Variants in MAPT observed in about 807,000 individuals in gnomAD.
MAPT encodes the protein microtubule associated protein tau.
In MAPT, 34 loss-of-function variants were observed where a neutral mutation model predicts 67.9. The observed-to-expected ratio is 0.50, with a 90% CI of 0.38 to 0.67. The LOEUF (loss-of-function observed/expected upper bound fraction) is 0.67. MAPT is among the 30% of genes least tolerant of loss of function. The pLI is 0.00. For synonymous variants in MAPT, 456 were observed against 464.5 expected (o/e 0.98, Z 0.23); for missense variants, 881 against 1,115.2 (o/e 0.79, Z 2.99).
chr17:45,999,345 G>A lies in MAPT; in HGVS notation c.1998+2681G>A, dbSNP rs73317018. The A allele has an allele frequency of 6.2e-3, 9,968 of 1,613,954 alleles. 563 individuals are homozygous for A. In the African/African-American group the frequency reaches 0.12, roughly 19 times the overall value. ...CCCCCACAAGACTGTGCAGGTGGCC[G>A]GCCCTCATTGAATGCGGGGTTAATT... On this transcript the variant is annotated intron_variant, in intron 9 of 12. Transcript: ENST00000262410.
At position 45,908,712 on chromosome 17, in the gene MAPT, T is replaced by A. The variant is rs114728005; in HGVS notation, c.-18+14026T>A. ...TTTGCAACCTCACAGGGTACTTTCA[T>A]GGCGTTGAAATACACTTCCCACAGC... On this transcript the variant is annotated intron_variant, in intron 1 of 12. Transcript: ENST00000262410. 8.0e-3 allele frequency among the ~76,000 whole-genome samples: 1,219 copies of A among 152,318 alleles called. 18 individuals carry two copies. Among genetic ancestry groups the A allele is most frequent in the African/African-American group, 0.028 (1,151 of 41,572 alleles).
intron 9 of MAPT, chr17:45,999,626 C>G: frequency 6.2e-7 from 1 of 1,611,372 alleles, no homozygotes; most frequent in Non-Finnish European, 8.5e-7. Context: ...CTGCCTCTGC[C>G]CATGAGGGGT....
intron 1 of MAPT, chr17:45,932,045 T>C (rs1450296527): frequency 6.6e-6 from 1 of 151,092 alleles, no homozygotes; most frequent in Non-Finnish European, 1.5e-5. Flanking sequence ...ATTGCACCAC[T>C]GCACTCCAGC....
At chr17:45,918,591 G>T (rs1312271080) in intron 1 of MAPT, among the ~76,000 whole-genome samples, 1 of 152,226 alleles carries the variant, frequency 6.6e-6, no homozygotes, top group Admixed American at 6.5e-5. Context: ...TGCCATTGTG[G>T]TGTGTGAAGC....
intron 2 of MAPT, among the ~76,000 whole-genome samples, chr17:45,968,477 C>T (rs924926099): frequency 3.3e-5 from 5 of 152,266 alleles, no homozygotes; most frequent in African/African-American, 9.6e-5. Context: ...GGCTCTGTTC[C>T]CAAGGAGGGT....
intron 1 of MAPT, among the ~76,000 whole-genome samples, chr17:45,923,832 AG>A (rs1368969733): frequency 1.3e-5 from 2 of 152,206 alleles, no homozygotes; most frequent in African/African-American, 4.8e-5. Context: ...CAGCTCTGCC[AG>A]GTCCTAACTG....
intron 3 of MAPT, chr17:45,973,926 A>G (rs1416782518): frequency 1.1e-5 from 2 of 181,192 alleles, no homozygotes; most frequent in Non-Finnish European, 2.4e-5. Flanking sequence ...TGACACTGCC[A>G]TTTTGCAGAT....
At position 45,983,422 on chromosome 17, in the gene MAPT, AG is replaced by A. The variant is rs773149360; in HGVS notation, c.848del (p.Gly283AlafsTer82). On this transcript the variant is annotated frameshift_variant, in exon 5 of 13. Transcript: ENST00000262410. LOFTEE classifies it high-confidence loss of function. ...HQEGPPLKGA[G>X]GKERPGSKEE... is the part of the protein sequence containing the mutation. ...AGGAGGGGCCGCCGCTGAAGGGGGCAGGGGGCAAAGAGAGGCCGGGGAGCAA... is the reference window on the plus strand; with the variant it reads ...AGGAGGGGCCGCCGCTGAAGGGGGCAGGGGCAAAGAGAGGCCGGGGAGCAA... 9 of 1,607,834 alleles carry A rather than the reference AG, an allele frequency of 5.6e-6. No homozygotes were observed. In the East Asian group the frequency reaches 1.6e-4, roughly 28 times the overall value.
rs866078217 is a variant in MAPT, at chr17:45,911,793, G to C, written c.-18+17107G>C. Among the ~76,000 whole-genome samples the C allele has an allele frequency of 4.6e-5, 7 of 151,962 alleles. No individual in the cohort carries two copies. In the East Asian group the frequency reaches 9.6e-4, roughly 21 times the overall value. Reference sequence around the variant, plus strand: ...AAACAAACAAACAACAAAAAAAAAGGCTTTCTTAAAGAGACTTGAGAACAG... The same window carrying C: ...AAACAAACAAACAACAAAAAAAAAGCCTTTCTTAAAGAGACTTGAGAACAG... On this transcript the variant is annotated intron_variant, in intron 1 of 12. Coordinates refer to ENST00000262410, the MANE Select transcript of MAPT (RefSeq NM_001377265.1).
chr17:46,016,829 A>C (rs1405172688), intron 11 of MAPT, among the ~76,000 whole-genome samples: 4 of 152,198 alleles, frequency 2.6e-5, no homozygotes, highest in African/African-American at 9.7e-5. Context: ...GCAGTGATGG[A>C]AATATTCTGT....
chr17:45,927,669 C>G (rs1280381811), intron 1 of MAPT, among the ~76,000 whole-genome samples: 1 of 152,100 alleles, frequency 6.6e-6, no homozygotes, highest in Non-Finnish European at 1.5e-5. Context: ...CAGTCAACCA[C>G]CCTAGCTCTC....
At chr17:45,918,180 C>T (rs1488126652) in intron 1 of MAPT, among the ~76,000 whole-genome samples, 1 of 152,228 alleles carries the variant, frequency 6.6e-6, no homozygotes, top group Non-Finnish European at 1.5e-5. Context: ...ACTGCTAGAG[C>T]GCTTGTCATT....
chr17:45,933,246 T>C (rs1454849098), intron 1 of MAPT, among the ~76,000 whole-genome samples: 3 of 19,616 alleles, frequency 1.5e-4, no homozygotes, highest in Admixed American at 5.5e-4. Context: ...TCTCTCTCCC[T>C]TTTTTTTTTT....
intron 1 of MAPT, among the ~76,000 whole-genome samples, chr17:45,941,680 C>A (rs192057255): frequency 3.2e-4 from 15 of 47,272 alleles, no homozygotes; most frequent in African/African-American, 1.2e-3. Flanking sequence ...CCCCCCTTCC[C>A]TCCTTCCTTC....
chr17:45,996,550 G>C lies in MAPT; in HGVS notation c.1884G>C (p.Pro628=). 6.2e-7 allele frequency: 1 copy of C among 1,610,850 alleles called. No homozygotes were observed. The highest frequency in any genetic ancestry group is 8.5e-7 in the Non-Finnish European group (1 of 1,178,464). ...VAVVRTPPKS[P]SSAKSRLQTA... The stretch of plus-strand genomic sequence containing the variant: ...TGGTCCGTACTCCACCCAAGTCGCC[G>C]TCTTCCGCCAAGAGCCGCCTGCAGA... Residue 628 remains proline (P), a synonymous_variant, in exon 9 of 13, where the codon CCG becomes CCC. Coordinates refer to ENST00000262410, the MANE Select transcript of MAPT (RefSeq NM_001377265.1). This position sits in a 1 kb window ranked among gnomAD's most constrained non-coding sequence, Gnocchi z 4.5.
chr17:45,944,546 C>T lies in MAPT; in HGVS notation c.-17-17775C>T, dbSNP rs191626695. 1.6e-3 allele frequency among the ~76,000 whole-genome samples: 238 copies of T among 152,310 alleles called. 1 individual carries two copies. The highest frequency in any genetic ancestry group is 2.1e-3 in the Non-Finnish European group (143 of 68,030). ...CTTCATGGGTGAGCTCCAGGTCCAACGAGAAGCCAAGCAGGGGGCCCTTCA... is the reference window on the plus strand; with the variant it reads ...CTTCATGGGTGAGCTCCAGGTCCAATGAGAAGCCAAGCAGGGGGCCCTTCA... On this transcript the variant is annotated intron_variant, in intron 1 of 12. Transcript: ENST00000262410.
chr17:46,022,816 G>A (rs761223695), intron 12 of MAPT, among the ~76,000 whole-genome samples: 87 of 152,232 alleles, frequency 5.7e-4, no homozygotes, highest in Non-Finnish European at 2.6e-4. Flanking sequence ...TGTAGTCCCA[G>A]TTGCTCTGGA....
chr17:45,988,049 G>A (rs765744366), intron 6 of MAPT, among the ~76,000 whole-genome samples: 8 of 152,184 alleles, frequency 5.3e-5, no homozygotes, highest in South Asian at 4.1e-4. Flanking sequence ...CCTGGGCCTC[G>A]GCCAGCTGGG....
At chr17:45,955,582 G>A (rs568745449) in intron 1 of MAPT, among the ~76,000 whole-genome samples, 4 of 152,226 alleles carry the variant, frequency 2.6e-5, no homozygotes. Context: ...TTGGTGATGT[G>A]TCGATGTGCA....
Sources: gnomAD v4.1 joint callset for allele counts (sites outside exome capture counted in the v4.1 genomes callset) on GRCh38, gnomAD v4.1.1 for gene constraint, Gnocchi (gnomAD v3.1) non-coding constraint, MANE v1.5 for transcripts, NCBI Gene and HGNC (gene_info 2026-07-23, HGNC 2026-07-21) for gene names.